LRRC4C: variants seen among roughly 807,000 people sequenced by gnomAD.
The protein encoded by LRRC4C is leucine-rich repeat-containing protein 4C.
A neutral mutation model predicts 33.6 loss-of-function variants in LRRC4C; 5 were observed. That is an observed-to-expected ratio of 0.15 (90% CI 0.08 to 0.31). The LOEUF is 0.31. Among genes scored for constraint, LRRC4C ranks in the 10% least tolerant of loss-of-function variants. The pLI, the probability that LRRC4C is intolerant of heterozygous loss-of-function variation, is 1.00. For missense variants in LRRC4C, 560 were observed against 796.7 expected, an observed-to-expected ratio of 0.70 and a Z score of 3.58; for synonymous variants, 329 against 302.0, an observed-to-expected ratio of 1.09 and a Z score of -0.93.
intron 1 of LRRC4C, among the ~76,000 whole-genome samples, chr11:41,292,452 T>C (rs1344471065): frequency 3.3e-5 from 5 of 152,060 alleles, no homozygotes; most frequent in African/African-American, 1.2e-4. Context: ...TTGGAATTGT[T>C]ACTAAAACAT....
At chr11:40,457,116 G>GA (rs375831185) in intron 3 of LRRC4C, among the ~76,000 whole-genome samples, 80 of 123,978 alleles carry the variant, frequency 6.5e-4, no homozygotes, top group Admixed American at 1.4e-3. Context: ...AAAAAAAAAA[G>GA]AAAAAAAAAA....
Position 41,053,755 on chromosome 11 carries a change from ATTG to A in LRRC4C, c.-495-120035_-495-120033del, listed in dbSNP as rs1346597114. Among the ~76,000 whole-genome samples the A allele has an allele frequency of 2.6e-5, 4 of 152,218 alleles. No homozygotes were observed. The East Asian group carries it at 7.7e-4, about 29-fold the overall frequency. ...CTCATGTTGAAGTAATTTAAAAATC[ATTG>A]TTGAGATTATTTTAAAGGGAATTAA... is the stretch of plus-strand genomic sequence containing the variant. On this transcript the variant is annotated intron_variant, in intron 1 of 6. Transcript: ENST00000528697.
At chr11:41,169,204 TA>T (rs1240574507) in intron 1 of LRRC4C, among the ~76,000 whole-genome samples, 2 of 152,234 alleles carry the variant, frequency 1.3e-5, no homozygotes, top group African/African-American at 4.8e-5. Context: ...AAACATTGCT[TA>T]TGCCATTTCT....
At chr11:40,201,202 C>G (rs1013019508) in intron 5 of LRRC4C, among the ~76,000 whole-genome samples, 5 of 152,198 alleles carry the variant, frequency 3.3e-5, no homozygotes, top group African/African-American at 1.2e-4. Context: ...CCTTCAAATT[C>G]ACACTTGGCA....
intron 1 of LRRC4C, among the ~76,000 whole-genome samples, chr11:41,059,107 A>G (rs971771766): frequency 5.3e-5 from 8 of 151,964 alleles, no homozygotes; most frequent in Non-Finnish European, 1.2e-4. Flanking sequence ...AACAGATACT[A>G]TGCTTATTAC....
intron 4 of LRRC4C, among the ~76,000 whole-genome samples, chr11:40,258,764 C>T (rs1867434114): frequency 1.3e-5 from 2 of 152,170 alleles, no homozygotes; most frequent in Non-Finnish European, 1.5e-5. Flanking sequence ...TTACTTAAAA[C>T]CCTGCTGCTC....
At chr11:41,433,323 G>T (rs895228078) in intron 1 of LRRC4C, among the ~76,000 whole-genome samples, 5 of 152,076 alleles carry the variant, frequency 3.3e-5, no homozygotes, top group Admixed American at 2.6e-4. Flanking sequence ...TGCCCCTCTT[G>T]ATCTCTATGC....
chr11:41,310,624 C>A (rs1471091956), intron 1 of LRRC4C, among the ~76,000 whole-genome samples: 2 of 152,106 alleles, frequency 1.3e-5, no homozygotes, highest in East Asian at 3.8e-4. Flanking sequence ...AACAAGTAAT[C>A]AAGTGTTAGA....
chr11:40,915,649 G>A (rs1203969507), intron 2 of LRRC4C, among the ~76,000 whole-genome samples: 2 of 152,206 alleles, frequency 1.3e-5, no homozygotes, highest in African/African-American at 2.4e-5. Context: ...AGGACTTCAT[G>A]TCTAAAACAC....
chr11:40,706,468 T>C (rs907261496), intron 2 of LRRC4C, among the ~76,000 whole-genome samples: 1 of 152,210 alleles, frequency 6.6e-6, no homozygotes, highest in Non-Finnish European at 1.5e-5. Context: ...AAATAGGGAA[T>C]CCTTTCCCCA....
At chr11:41,280,721 G>A (rs1239584741) in intron 1 of LRRC4C, among the ~76,000 whole-genome samples, 2 of 152,016 alleles carry the variant, frequency 1.3e-5, no homozygotes, top group Admixed American at 6.6e-5. Flanking sequence ...ATGTCAAATT[G>A]CAATAGTACC....
At position 40,271,385 on chromosome 11, in the gene LRRC4C, A is replaced by G. The variant is rs940975683; in HGVS notation, c.-175-29787T>C. Among the ~76,000 whole-genome samples the G allele has an allele frequency of 4.6e-5, 7 of 152,318 alleles. No individual in the cohort carries two copies. The South Asian group carries it at 6.2e-4, about 14-fold the overall frequency. The stretch of plus-strand genomic sequence containing the variant: ...AGAGTTAAACGAATTTCGCTAAACC[A>G]CAGAACACAAAGGTGGAGAATGAAA... On this transcript the variant is annotated intron_variant, in intron 4 of 6. Coordinates refer to ENST00000528697, the MANE Select transcript of LRRC4C (RefSeq NM_001258419.2).
chr11:41,062,844 G>T (rs891479305), intron 1 of LRRC4C, among the ~76,000 whole-genome samples: 15 of 152,066 alleles, frequency 9.9e-5, no homozygotes, highest in Admixed American at 8.5e-4. Flanking sequence ...AGAGAAGGAA[G>T]ACAGCCATTT....
At chr11:40,170,023 A>T (rs1006664191) in intron 5 of LRRC4C, among the ~76,000 whole-genome samples, 1 of 152,198 alleles carries the variant, frequency 6.6e-6, no homozygotes, top group Non-Finnish European at 1.5e-5. Flanking sequence ...GCTTGGCTTT[A>T]CAATAATATA....
At chr11:40,559,296 T>C (rs1001127929) in intron 3 of LRRC4C, among the ~76,000 whole-genome samples, 1 of 148,022 alleles carries the variant, frequency 6.8e-6, no homozygotes, top group African/African-American at 2.5e-5. Context: ...AATCCTCCCA[T>C]CCCCAGCCTC....
chr11:40,842,956 C>T (rs1952980814), intron 2 of LRRC4C, among the ~76,000 whole-genome samples: 1 of 152,160 alleles, frequency 6.6e-6, no homozygotes, highest in South Asian at 2.1e-4. Context: ...TAATACAGCA[C>T]TGTGAGCACA....
At chr11:40,726,377 G>A (rs1947294390) in intron 2 of LRRC4C, among the ~76,000 whole-genome samples, 1 of 152,112 alleles carries the variant, frequency 6.6e-6, no homozygotes. Context: ...CAATATCCAC[G>A]AGGATCATAG....
intron 1 of LRRC4C, among the ~76,000 whole-genome samples, chr11:41,355,909 A>G (rs1490558743): frequency 1.3e-5 from 2 of 152,132 alleles, no homozygotes; most frequent in Non-Finnish European, 2.9e-5. Context: ...AAATTTGAAG[A>G]TGAACACTAC....
intron 2 of LRRC4C, among the ~76,000 whole-genome samples, chr11:40,696,331 T>C (rs537460218): frequency 7.8e-6 from 1 of 127,516 alleles, no homozygotes; most frequent in East Asian, 2.2e-4. Flanking sequence ...TATATGAGTA[T>C]ATATATATGG....
Sources: gnomAD v4.1 joint callset for allele counts (sites outside exome capture counted in the v4.1 genomes callset) on GRCh38, gnomAD v4.1.1 for gene constraint, MANE v1.5 for transcripts, NCBI Gene and HGNC (gene_info 2026-07-23, HGNC 2026-07-21) for gene names.